The following USP33 variants were observed in gnomAD, a reference collection of about 807,000 sequenced individuals.
The protein encoded by USP33 is ubiquitin carboxyl-terminal hydrolase 33.
A neutral mutation model predicts 124.2 loss-of-function variants in USP33; 46 were observed. That is an observed-to-expected ratio of 0.37 (90% confidence interval 0.29 to 0.47). The LOEUF (loss-of-function observed/expected upper bound fraction) is 0.47, where lower values mean the gene tolerates loss of function less well. USP33 is among the 20% of genes least tolerant of loss of function. The pLI is 0.99. For missense variants in USP33, 851 were observed against 1,070.6 expected (o/e 0.79, Z 2.86); for synonymous variants, 350 against 352.3 (o/e 0.99, Z 0.07).
intron 10 of USP33, among the ~76,000 whole-genome samples, chr1:77,726,833 T>G (rs964146103): frequency 6.6e-6 from 1 of 152,214 alleles, no homozygotes; most frequent in Admixed American, 6.5e-5. Context: ...AAGAATCTTT[T>G]TTTAGAATTA....
At chr1:77,723,269 G>T in intron 12 of USP33, 62 bp downstream of exon 12, 3 of 1,207,530 alleles carry the variant, frequency 2.5e-6, no homozygotes, top group Non-Finnish European at 2.4e-6. Flanking sequence ...ACATCATCTT[G>T]TCACATTTTT....
intron 19 of USP33, chr1:77,713,552 C>CTTTTTT: frequency 5.5e-6 from 1 of 181,126 alleles, no homozygotes. Flanking sequence ...ACCCAGCTAA[C>CTTTTTT]TTTTCTTTTT....
rs780240280 is a variant in USP33, at chr1:77,717,938, G to A, written c.1847C>T (p.Ala616Val). ...LEGLDLQPFLAKDSPAQIVTY... is the reference protein window; with the variant it reads ...LEGLDLQPFLVKDSPAQIVTY... ...CACAATTTGAGCTGGACTATCCTTAGCAAGAAATGGCTGAAGATCCAAGCC... is the reference window on the plus strand; with the variant it reads ...CACAATTTGAGCTGGACTATCCTTAACAAGAAATGGCTGAAGATCCAAGCC... The change falls in exon 17 of 24, where the codon GCT (alanine) becomes GTT (valine). Residue 616 changes from alanine (A) to valine (V), a missense_variant. Transcript: ENST00000370794. 6.2e-7 allele frequency: 1 copy of A among 1,613,952 alleles called. No individual in the cohort carries two copies. Among genetic ancestry groups the A allele is most frequent in the East Asian group, 2.2e-5 (1 of 44,870 alleles).
intron 15 of USP33, among the ~76,000 whole-genome samples, chr1:77,719,856 G>GAAA (rs554573074): frequency 5.0e-5 from 5 of 100,218 alleles, no homozygotes; most frequent in South Asian, 3.0e-4. Context: ...TCCCTCTCAA[G>GAAA]AAAAAAAAAA....
chr1:77,697,747 T>G, intron 23 of USP33, 116 bp downstream of exon 23: 1 of 1,108,036 alleles, frequency 9.0e-7, no homozygotes, highest in South Asian at 1.6e-5. Flanking sequence ...CCCTAGTTAA[T>G]GTATGGATTA....
At chr1:77,723,689 A>T (rs1188772781) in intron 11 of USP33, among the ~76,000 whole-genome samples, 2 of 152,116 alleles carry the variant, frequency 1.3e-5, no homozygotes, top group Non-Finnish European at 2.9e-5. Context: ...TTTGAGGTGG[A>T]GTCTCGCACT....
rs1446447535 is a variant in USP33, at chr1:77,759,797, T to C, written c.-206A>G. On this transcript the variant is annotated 5_prime_UTR_variant, in exon 1 of 24. Transcript: ENST00000370794. ...GCCCCGCAGCGCTGCCCTCGGGGGG[T>C]CCGCCTCCTGAACTGGCCACTTCCC... 3 of 397,098 alleles carry C rather than the reference T, an allele frequency of 7.6e-6. No homozygotes were observed. The highest frequency in any genetic ancestry group is 2.1e-5 in the African/African-American group (1 of 48,484). The allele number at this position is 397,098 out of a possible 1,614,324, so 24.6% of individuals were successfully genotyped here.
At chr1:77,730,797 C>T (rs1439927955) in intron 7 of USP33, 66 bp from the exon 8 acceptor site, 2 of 1,066,276 alleles carry the variant, frequency 1.9e-6, no homozygotes, top group Non-Finnish European at 2.7e-6. Flanking sequence ...TCTAGTCATT[C>T]AATTAACTGA....
intron 1 of USP33, among the ~76,000 whole-genome samples, chr1:77,743,107 C>A (rs762671879): frequency 6.8e-4 from 103 of 151,902 alleles, no homozygotes; most frequent in Middle Eastern, 3.4e-3. Flanking sequence ...CACACCCGAC[C>A]ACTTTTTTTG....
rs66475824 is a variant in USP33, at chr1:77,711,528, T to TAC, written c.2406+217_2406+218dup. ...GGCGACAGAGCAAGATTTTGTCTCA[T>TAC]ACACACACACACACACACACACACA... is the stretch of plus-strand genomic sequence containing the variant. On this transcript the variant is annotated intron_variant, in intron 21 of 23. Coordinates refer to ENST00000370794, the MANE Select transcript of USP33 (RefSeq NM_201624.3). The TAC allele has an allele frequency of 4.3e-3, 1,516 of 351,904 alleles. 6 individuals carry two copies. Among genetic ancestry groups the TAC allele is most frequent in the African/African-American group, 0.018 (800 of 45,276 alleles). The allele number at this position is 351,904 out of a possible 1,614,324, so 21.8% of individuals were successfully genotyped here.
chr1:77,713,529 C>T, intron 19 of USP33: 1 of 301,474 alleles, frequency 3.3e-6, no homozygotes, highest in Non-Finnish European at 5.9e-6. Context: ...GGACTACAGG[C>T]ATGCTTCAAC....
chr1:77,718,926 C>CA (rs1049500513), intron 15 of USP33, among the ~76,000 whole-genome samples: 1,096 of 51,902 alleles, frequency 0.021, 16 homozygotes, highest in African/African-American at 0.047. Flanking sequence ...GACCCTGCCT[C>CA]AAAAAAAAAA....
At chr1:77,736,566 T>C (rs1001302540) in intron 5 of USP33, among the ~76,000 whole-genome samples, 11 of 152,280 alleles carry the variant, frequency 7.2e-5, no homozygotes, top group African/African-American at 2.6e-4. Context: ...ACATTATCTA[T>C]AGACTTCTAC....
chr1:77,711,580 A>G (rs775859471), intron 21 of USP33, 167 bp downstream of exon 21: 4 of 1,099,366 alleles, frequency 3.6e-6, no homozygotes, highest in Non-Finnish European at 5.0e-6. Context: ...ACATAACTCA[A>G]CAGAACTGTA....
At chr1:77,749,372 T>C (rs1047666639) in intron 1 of USP33, among the ~76,000 whole-genome samples, 2 of 151,384 alleles carry the variant, frequency 1.3e-5, no homozygotes, top group African/African-American at 4.9e-5. Flanking sequence ...TTTTTTTATG[T>C]TTTTTGTTTT....
rs1216124277 is a variant in USP33 at position 77,729,852 on chromosome 1, A to G, written c.717+8T>C. On this transcript the variant is annotated splice_region_variant and intron_variant, in intron 9 of 23. Coordinates refer to ENST00000370794, the MANE Select transcript of USP33 (RefSeq NM_201624.3). ...ATTAAAATTACAAATGAAAAGCAAT[A>G]AACTAACCTGCTGAGAATACCCCCG... 1 of 1,611,260 alleles carries G rather than the reference A, an allele frequency of 6.2e-7. No individual in the cohort carries two copies. Among genetic ancestry groups the G allele is most frequent in the Non-Finnish European group, 8.5e-7 (1 of 1,178,992 alleles).
At chr1:77,746,505 G>A (rs1679757277) in intron 1 of USP33, 1 of 152,170 alleles carries the variant, frequency 6.6e-6, no homozygotes, top group Non-Finnish European at 1.5e-5. Flanking sequence ...ATAAAAAGAA[G>A]GAATCCTCCG....
intron 21 of USP33, among the ~76,000 whole-genome samples, chr1:77,703,869 T>C (rs569322777): frequency 2.0e-4 from 31 of 152,172 alleles, no homozygotes; most frequent in Non-Finnish European, 2.2e-4. Context: ...CACAAAAAAT[T>C]AGCTGGGTGC....
At chr1:77,716,447 C>A (rs1385300674) in intron 17 of USP33, among the ~76,000 whole-genome samples, 1 of 152,174 alleles carries the variant, frequency 6.6e-6, no homozygotes, top group Non-Finnish European at 1.5e-5. Context: ...GGCTAAGCAT[C>A]TGGGCCACTT....
Sources: gnomAD v4.1 joint callset for allele counts (sites outside exome capture counted in the v4.1 genomes callset) on GRCh38, gnomAD v4.1.1 for gene constraint, MANE v1.5 for transcripts, NCBI Gene and HGNC (gene_info 2026-07-23, HGNC 2026-07-21) for gene names.